The following SEMA3A variants were observed in gnomAD, a reference collection of about 807,000 sequenced individuals.
The protein encoded by SEMA3A is semaphorin 3A.
Under a neutral mutation model 97.9 loss-of-function variants are expected in SEMA3A, and 29 were observed. The ratio of observed to expected loss-of-function variants is 0.30; its 90% CI spans 0.22 to 0.40. SEMA3A has a LOEUF of 0.40. SEMA3A is among the 10% of genes least tolerant of loss of function. The pLI, the probability that SEMA3A is intolerant of heterozygous loss-of-function variation, is 1.00. For missense variants in SEMA3A, 763 were observed against 951.3 expected (o/e 0.80, Z 2.60); for synonymous variants, 321 against 323.7 (o/e 0.99, Z 0.09).
intron 4 of SEMA3A, among the ~76,000 whole-genome samples, chr7:84,085,689 C>G (rs1794313425): frequency 6.6e-6 from 1 of 151,736 alleles, no homozygotes; most frequent in African/African-American, 2.4e-5. Flanking sequence ...TCTAAAACAC[C>G]CTTTATTTTA....
chr7:84,483,522 T>C (rs2116438513), intron 1 of SEMA3A, among the ~76,000 whole-genome samples: 1 of 152,296 alleles, frequency 6.6e-6, no homozygotes, highest in Non-Finnish European at 1.5e-5. Flanking sequence ...TTTCCCTCAC[T>C]TGCCACATTT....
rs377261705 is a variant in SEMA3A, at chr7:84,312,872, TTATATATATATA to T, written c.-168-5592_-168-5581del. Among the ~76,000 whole-genome samples, 161 of 48,826 alleles carry T rather than the reference TTATATATATATA, an allele frequency of 3.3e-3. 2 individuals carry two copies. Among genetic ancestry groups the T allele is most frequent in the African/African-American group, 0.012 (116 of 9,908 alleles). The allele number at this position is 48,826 out of a possible 152,430, so 32.0% of individuals were successfully genotyped here. The stretch of plus-strand genomic sequence containing the variant: ...TTTCAGAGGATATTTTGGTGTTGTT[TTATATATATATA>T]TATATATATATATATATATATATAT... On this transcript the variant is annotated intron_variant, in intron 2 of 3. Coordinates refer to the SEMA3A transcript ENST00000424555.
intron 3 of SEMA3A, among the ~76,000 whole-genome samples, chr7:84,268,795 A>T (rs1184834144): frequency 6.6e-6 from 1 of 152,124 alleles, no homozygotes; most frequent in Middle Eastern, 3.2e-3. Flanking sequence ...CCTTTAACAA[A>T]TATCAAATTA....
At chr7:84,449,004 C>T (rs1805494348) in intron 1 of SEMA3A, among the ~76,000 whole-genome samples, 1 of 152,048 alleles carries the variant, frequency 6.6e-6, no homozygotes, top group Middle Eastern at 3.4e-3. Context: ...ACATATATGG[C>T]CAAAAGTATT....
intron 3 of SEMA3A, among the ~76,000 whole-genome samples, chr7:84,202,515 C>A (rs1355787071): frequency 6.6e-6 from 1 of 152,050 alleles, no homozygotes; most frequent in Non-Finnish European, 1.5e-5. Flanking sequence ...TTGAACAAAC[C>A]AAGTTAATGT....
intron 1 of SEMA3A, among the ~76,000 whole-genome samples, chr7:84,149,781 T>C (rs1394623940): frequency 6.6e-6 from 1 of 152,204 alleles, no homozygotes; most frequent in East Asian, 1.9e-4. Flanking sequence ...CCCTATTTAA[T>C]CCCTGCTGGC....
At chr7:84,471,103 C>CA (rs1363660897) in intron 1 of SEMA3A, among the ~76,000 whole-genome samples, 1 of 152,060 alleles carries the variant, frequency 6.6e-6, no homozygotes, top group Non-Finnish European at 1.5e-5. Flanking sequence ...CAGCAATACA[C>CA]AAATAGACTG....
chr7:84,142,683 T>G (rs1260946328), intron 1 of SEMA3A, among the ~76,000 whole-genome samples: 3 of 152,204 alleles, frequency 2.0e-5, no homozygotes, highest in Admixed American at 6.5e-5. Flanking sequence ...GTACTTGGTG[T>G]TTTTACACAG....
chr7:83,970,181 C>A (rs1788860312), intron 15 of SEMA3A, among the ~76,000 whole-genome samples: 1 of 152,098 alleles, frequency 6.6e-6, no homozygotes, highest in Non-Finnish European at 1.5e-5. Flanking sequence ...TATGTTGCAG[C>A]TGTTAATGAC....
At position 84,302,442 on chromosome 7, in the gene SEMA3A, A is replaced by G. The variant is rs184945603; in HGVS notation, c.-83+4765T>C. 3.4e-3 allele frequency among the ~76,000 whole-genome samples: 517 copies of G among 152,288 alleles called. 13 individuals carry two copies. The highest frequency in any genetic ancestry group is 1.2e-3 in the Non-Finnish European group (81 of 68,024). On this transcript the variant is annotated intron_variant, in intron 3 of 3. Transcript: ENST00000424555. ...GAGGACTCCGCCAAAACGTTTTTAC[A>G]TACCTCAAGGACTTTTTATGCAGAG...
intron 4 of SEMA3A, among the ~76,000 whole-genome samples, chr7:84,106,136 G>A (rs1795102656): frequency 2.0e-5 from 3 of 152,122 alleles, no homozygotes; most frequent in South Asian, 4.1e-4. Context: ...TTTGGAATAC[G>A]CTATTCAGGA....
At chr7:83,985,409 T>C (rs1287082574) in intron 13 of SEMA3A, 27 bp downstream of exon 13, 1 of 1,534,388 alleles carries the variant, frequency 6.5e-7, no homozygotes, top group South Asian at 1.2e-5. Context: ...ATATTGGATA[T>C]TCAATGGTAA....
rs573464919 is a variant in SEMA3A at position 84,031,623 on chromosome 7, T to C, written c.667+14701A>G. Reference sequence around the variant, plus strand: ...CTGAGGTGGGTGGATCACCTGAGGTTGGGAGTTCGAGACTAGCCTGACCAA... The same window carrying C: ...CTGAGGTGGGTGGATCACCTGAGGTCGGGAGTTCGAGACTAGCCTGACCAA... On this transcript the variant is annotated intron_variant, in intron 6 of 16. Transcript: ENST00000265362. Among the ~76,000 whole-genome samples the C allele has an allele frequency of 3.9e-5, 6 of 151,908 alleles. No individual in the cohort carries two copies. The South Asian group carries it at 1.2e-3, about 32-fold the overall frequency.
intron 3 of SEMA3A, among the ~76,000 whole-genome samples, chr7:84,257,560 G>A (rs1007655587): frequency 3.9e-5 from 6 of 152,122 alleles, no homozygotes; most frequent in Admixed American, 1.3e-4. Flanking sequence ...GAAGTCATTT[G>A]TTTTAGGACA....
chr7:84,256,563 G>A (rs561893752), intron 3 of SEMA3A, among the ~76,000 whole-genome samples: 1 of 152,124 alleles, frequency 6.6e-6, no homozygotes, highest in Admixed American at 6.5e-5. Context: ...GTGATATACT[G>A]AGTTTGCTGA....
chr7:84,426,505 G>T (rs1294267168), intron 1 of SEMA3A, among the ~76,000 whole-genome samples: 2 of 152,032 alleles, frequency 1.3e-5, no homozygotes, highest in Admixed American at 6.6e-5. Context: ...GATTAAGAGA[G>T]ATTTCAATAT....
chr7:84,282,383 T>G (rs192916472), intron 3 of SEMA3A, among the ~76,000 whole-genome samples: 2 of 152,286 alleles, frequency 1.3e-5, no homozygotes, highest in Admixed American at 6.5e-5. Flanking sequence ...TGTAAATAAA[T>G]CCATTTTTTA....
intron 1 of SEMA3A, among the ~76,000 whole-genome samples, chr7:84,192,297 C>T (rs763464016): frequency 1.3e-5 from 2 of 151,796 alleles, no homozygotes; most frequent in East Asian, 3.8e-4. Context: ...GCCAAACAAA[C>T]GTACATGTAG....
At chr7:84,327,729 C>A (rs1801804839) in intron 2 of SEMA3A, among the ~76,000 whole-genome samples, 1 of 151,922 alleles carries the variant, frequency 6.6e-6, no homozygotes, top group Admixed American at 6.6e-5. Context: ...ATAACTTTCA[C>A]CACTGCTAGC....
Sources: gnomAD v4.1 joint callset for allele counts (sites outside exome capture counted in the v4.1 genomes callset) on GRCh38, gnomAD v4.1.1 for gene constraint, MANE v1.5 for transcripts, NCBI Gene and HGNC (gene_info 2026-07-23, HGNC 2026-07-21) for gene names.